PTPRJ: variants seen among roughly 807,000 people sequenced by gnomAD.
The protein encoded by PTPRJ is receptor-type tyrosine-protein phosphatase eta.
A neutral mutation model predicts 141.3 loss-of-function variants in PTPRJ; 129 were observed. That is an observed-to-expected ratio of 0.91 (90% CI 0.79 to 1.06). The LOEUF (loss-of-function observed/expected upper bound fraction) is 1.06, where lower values mean the gene tolerates loss of function less well. Ranked by LOEUF, PTPRJ falls within the 50% of genes least tolerant of loss-of-function variation. PTPRJ has a pLI of 0.00. For synonymous variants in PTPRJ, 610 were observed against 640.5 expected, an observed-to-expected ratio of 0.95 and a Z score of 0.72; for missense variants, 1,601 against 1,679.7, an observed-to-expected ratio of 0.95 and a Z score of 0.82.
At chr11:48,042,544 A>T (rs539182945) in intron 1 of PTPRJ, among the ~76,000 whole-genome samples, 124 of 152,272 alleles carry the variant, frequency 8.1e-4, no homozygotes, top group Admixed American at 3.9e-3. Flanking sequence ...TTACATGAGT[A>T]ATTTTAGCAA....
intron 1 of PTPRJ, among the ~76,000 whole-genome samples, chr11:48,083,634 T>C (rs1301201146): frequency 2.6e-5 from 4 of 152,244 alleles, no homozygotes; most frequent in Admixed American, 6.5e-5. Flanking sequence ...TATTTGTGTA[T>C]GGTCTGCCTC....
intron 8 of PTPRJ, chr11:48,131,662 G>C: frequency 1.7e-6 from 1 of 591,372 alleles, no homozygotes; most frequent in Non-Finnish European, 3.1e-6. Flanking sequence ...ACTGTCTATG[G>C]CTACTTTGGT....
intron 1 of PTPRJ, among the ~76,000 whole-genome samples, chr11:48,039,609 T>C (rs939765391): frequency 6.6e-6 from 1 of 152,058 alleles, no homozygotes; most frequent in Non-Finnish European, 1.5e-5. Flanking sequence ...TCCTTTCCTG[T>C]CTCTTTTCTC....
intron 1 of PTPRJ, among the ~76,000 whole-genome samples, chr11:47,986,425 ACGT>A (rs1323652775): frequency 6.6e-6 from 1 of 152,238 alleles, no homozygotes; most frequent in African/African-American, 2.4e-5. Context: ...AGGAATTGCT[ACGT>A]AACACCTAAA....
intron 23 of PTPRJ, 66 bp from the exon 24 acceptor site, chr11:48,164,314 A>G: frequency 6.3e-7 from 1 of 1,574,854 alleles, no homozygotes; most frequent in Admixed American, 1.8e-5. Flanking sequence ...TGTACAAATG[A>G]GGAACTCTAA....
At chr11:48,043,623 TTC>T (rs1854321249) in intron 1 of PTPRJ, among the ~76,000 whole-genome samples, 1 of 152,138 alleles carries the variant, frequency 6.6e-6, no homozygotes, top group Admixed American at 6.6e-5. Flanking sequence ...GGTTGAATAA[TTC>T]TTTTTTTCCT....
intron 1 of PTPRJ, among the ~76,000 whole-genome samples, chr11:48,084,838 T>C (rs1054084402): frequency 6.6e-5 from 10 of 152,186 alleles, no homozygotes; most frequent in African/African-American, 1.9e-4. Flanking sequence ...AGGTTCATGT[T>C]TGTTCACAGA....
chr11:48,083,195 G>A (rs767262612), intron 1 of PTPRJ, among the ~76,000 whole-genome samples: 1 of 152,208 alleles, frequency 6.6e-6, no homozygotes, highest in African/African-American at 2.4e-5. Context: ...GGAGGCCGAG[G>A]TGGGTGGATC....
chr11:48,033,867 G>A (rs1465268061), intron 1 of PTPRJ, among the ~76,000 whole-genome samples: 1 of 152,240 alleles, frequency 6.6e-6, no homozygotes, highest in African/African-American at 2.4e-5. Context: ...TGGATCTTTT[G>A]GGATTGGATT....
In PTPRJ at chr11:48,139,661, T is replaced by C. The variant is rs1409715728; in HGVS notation, c.2328T>C (p.Tyr776=). ...ESCSSENGTE[Y]RTEVTYLNFS... is the part of the protein sequence containing the mutation. ...GCTCCTCTGAGAATGGCACTGAGTA[T>C]AGAACGGAAGTCACGTATTTGAATT... is the stretch of plus-strand genomic sequence containing the variant. Residue 776 remains tyrosine, a synonymous_variant, in exon 11 of 25, where the codon TAT becomes TAC. Coordinates refer to ENST00000418331, the MANE Select transcript of PTPRJ (RefSeq NM_002843.4). 1 of 1,614,220 alleles carries C rather than the reference T, an allele frequency of 6.2e-7. No homozygotes were observed. The highest frequency in any genetic ancestry group is 1.6e-4 in the Middle Eastern group (1 of 6,062).
At chr11:48,105,927 C>T (rs1464626315) in intron 1 of PTPRJ, among the ~76,000 whole-genome samples, 1 of 152,160 alleles carries the variant, frequency 6.6e-6, no homozygotes, top group Non-Finnish European at 1.5e-5. Flanking sequence ...TTCCTCGCTG[C>T]TGCTACCCCA....
rs1053026236 is a variant in PTPRJ, at chr11:48,163,535, T to C, written c.3636T>C (p.Thr1212=). 1 of 1,613,898 alleles carries C rather than the reference T, an allele frequency of 6.2e-7. No individual in the cohort carries two copies. Among genetic ancestry groups the C allele is most frequent in the African/African-American group, 1.3e-5 (1 of 75,052 alleles). ...SWPDHGVPDT[T]DLLINFRYLV... is the part of the protein sequence containing the mutation. ...CAGACCACGGTGTTCCCGACACCACTGACCTGCTCATCAACTTCCGGTACC... is the reference window on the plus strand; with the variant it reads ...CAGACCACGGTGTTCCCGACACCACCGACCTGCTCATCAACTTCCGGTACC... Residue 1212 remains threonine (T), a synonymous_variant, in exon 23 of 25, where the codon ACT becomes ACC. Transcript: ENST00000418331.
At chr11:47,981,125 T>C in intron 1 of PTPRJ, 117 bp downstream of exon 1, 1 of 1,016,224 alleles carries the variant, frequency 9.8e-7, no homozygotes, top group Non-Finnish European at 1.2e-6. Context: ...GGGGTCCGGA[T>C]CCCCGGATCC....
At chr11:48,046,468 T>C (rs1233698262) in intron 1 of PTPRJ, 1 of 152,192 alleles carries the variant, frequency 6.6e-6, no homozygotes, top group Non-Finnish European at 1.5e-5. Flanking sequence ...CATTTATTCA[T>C]CAACAGGTAG....
rs534721017 is a variant in PTPRJ, at chr11:48,139,784, A to G, written c.2443+8A>G. The G allele has an allele frequency of 3.1e-5, 50 of 1,613,322 alleles. No homozygotes were observed. The East Asian group carries it at 8.7e-4, about 28-fold the overall frequency. On this transcript the variant is annotated splice_region_variant and intron_variant, in intron 11 of 24. Transcript: ENST00000418331. ...GCACTACTGGCATCACAGGTGGGCT[A>G]CAAGGCAGGGGCTGGTCAGTTGGCA...
intron 1 of PTPRJ, among the ~76,000 whole-genome samples, chr11:48,083,394 A>C (rs1423855103): frequency 6.6e-6 from 1 of 152,210 alleles, no homozygotes; most frequent in Non-Finnish European, 1.5e-5. Context: ...ATGTCATTGC[A>C]CTCCAGCCTG....
At chr11:48,121,876 AT>A (rs1856716671) in intron 4 of PTPRJ, among the ~76,000 whole-genome samples, 1 of 152,118 alleles carries the variant, frequency 6.6e-6, no homozygotes, top group African/African-American at 2.4e-5. Context: ...AGAACCAAAA[AT>A]TGAAGAAAGA....
intron 1 of PTPRJ, among the ~76,000 whole-genome samples, chr11:48,041,075 C>T (rs1854263223): frequency 6.6e-6 from 1 of 152,102 alleles, no homozygotes; most frequent in Admixed American, 6.6e-5. Context: ...AAATTCATGC[C>T]AGTCCAGTCC....
chr11:48,102,100 C>T (rs147830714), intron 1 of PTPRJ, among the ~76,000 whole-genome samples: 1 of 152,270 alleles, frequency 6.6e-6, no homozygotes, highest in Non-Finnish European at 1.5e-5. Context: ...ACACCAATGT[C>T]TTCAGGGACA....
Sources: gnomAD v4.1 joint callset for allele counts (sites outside exome capture counted in the v4.1 genomes callset) on GRCh38, gnomAD v4.1.1 for gene constraint, MANE v1.5 for transcripts, NCBI Gene and HGNC (gene_info 2026-07-23, HGNC 2026-07-21) for gene names.